Variants in BAIAP2L1 observed in about 807,000 individuals in gnomAD.
BAIAP2L1 encodes the protein BAR/IMD domain containing adaptor protein 2 like 1, also known as BAR/IMD domain-containing adapter protein 2-like 1.
A neutral mutation model predicts 66.3 loss-of-function variants in BAIAP2L1; 35 were observed. The observed-to-expected ratio is 0.53, with a 90% confidence interval of 0.40 to 0.70. The LOEUF (loss-of-function observed/expected upper bound fraction) is 0.70, where lower values mean the gene tolerates loss of function less well. Among genes scored for constraint, BAIAP2L1 ranks in the 30% least tolerant of loss-of-function variants. The probability of loss-of-function intolerance (pLI) is 0.00; values close to 1 mark genes in which losing one functional copy is unlikely to be tolerated. For synonymous variants in BAIAP2L1, 269 were observed against 248.7 expected, an observed-to-expected ratio of 1.08 and a Z score of -0.77; for missense variants, 622 against 656.9, an observed-to-expected ratio of 0.95 and a Z score of 0.58.
chr7:98,334,172 A>G (rs1372949549), intron 3 of BAIAP2L1, among the ~76,000 whole-genome samples: 1 of 152,202 alleles, frequency 6.6e-6, no homozygotes, highest in African/African-American at 2.4e-5. Context: ...AAATAAGAAG[A>G]AAAAGAGAGA....
At chr7:98,370,705 G>T (rs958698193) in intron 1 of BAIAP2L1, among the ~76,000 whole-genome samples, 1 of 151,932 alleles carries the variant, frequency 6.6e-6, no homozygotes, top group Admixed American at 6.6e-5. Context: ...GTTTCACCAT[G>T]TTAGCCAGGA....
chr7:98,389,636 C>T (rs985407791), intron 1 of BAIAP2L1, among the ~76,000 whole-genome samples: 3 of 151,940 alleles, frequency 2.0e-5, no homozygotes, highest in African/African-American at 7.2e-5. Context: ...TCTGAGATTT[C>T]CCCCATACTT....
intron 3 of BAIAP2L1, among the ~76,000 whole-genome samples, chr7:98,345,030 T>C (rs1801838810): frequency 6.6e-6 from 1 of 152,172 alleles, no homozygotes; most frequent in South Asian, 2.1e-4. Flanking sequence ...TCCTGGTGAT[T>C]TCCAATGGCA....
At chr7:98,318,725 A>T (rs1801154631) in intron 5 of BAIAP2L1, among the ~76,000 whole-genome samples, 3 of 150,996 alleles carry the variant, frequency 2.0e-5, no homozygotes, top group Non-Finnish European at 4.4e-5. Flanking sequence ...CAGGTGCACC[A>T]CGAGGTCAGA....
chr7:98,300,077 G>A (rs748385972), intron 12 of BAIAP2L1, among the ~76,000 whole-genome samples: 5 of 152,166 alleles, frequency 3.3e-5, no homozygotes, highest in South Asian at 4.1e-4. Flanking sequence ...AAATGTAAAC[G>A]TCTAGTTCCT....
intron 3 of BAIAP2L1, among the ~76,000 whole-genome samples, chr7:98,341,385 C>CG (rs34547845): frequency 6.6e-6 from 1 of 151,664 alleles, no homozygotes; most frequent in Non-Finnish European, 1.5e-5. Context: ...TAAAGTAAAG[C>CG]CGTTAGAAAA....
chr7:98,303,595 TCTC>T (rs1161374877), intron 12 of BAIAP2L1, among the ~76,000 whole-genome samples: 2 of 152,194 alleles, frequency 1.3e-5, no homozygotes, highest in African/African-American at 4.8e-5. Flanking sequence ...CCGGCCTTGT[TCTC>T]CTCTAGCTGG....
chr7:98,304,897 C>T (rs1237372971), intron 11 of BAIAP2L1, among the ~76,000 whole-genome samples: 1 of 150,140 alleles, frequency 6.7e-6, no homozygotes, highest in South Asian at 2.1e-4. Context: ...TGGGGTTTCC[C>T]TCTTATTGTC....
chr7:98,317,542 G>T (rs1003343113), intron 5 of BAIAP2L1, among the ~76,000 whole-genome samples, 186 bp from the exon 6 acceptor site: 1 of 149,178 alleles, frequency 6.7e-6, no homozygotes, highest in African/African-American at 2.5e-5. Flanking sequence ...GCTGGCCGGG[G>T]TCCCATGCCC....
Position 98,293,073 on chromosome 7 carries a change from A to T in BAIAP2L1, c.*448T>A. The T allele has an allele frequency of 9.9e-6, 7 of 703,902 alleles. No individual in the cohort carries two copies. The highest frequency in any genetic ancestry group is 1.1e-5 in the Non-Finnish European group (6 of 554,226). The allele number at this position is 703,902 out of a possible 1,614,324, so 43.6% of individuals were successfully genotyped here. ...TGCTTAAAATTATGATTTGCATGCT[A>T]AGATGCAAACTTACGTGATATCTTC... On this transcript the variant is annotated 3_prime_UTR_variant, in exon 14 of 14. Coordinates refer to ENST00000005260, the MANE Select transcript of BAIAP2L1 (RefSeq NM_018842.5).
intron 10 of BAIAP2L1, chr7:98,307,453 G>A: frequency 7.2e-7 from 1 of 1,391,580 alleles, no homozygotes; most frequent in Non-Finnish European, 9.3e-7. Flanking sequence ...ACTACTTTCA[G>A]ACAGGTGACT....
intron 1 of BAIAP2L1, among the ~76,000 whole-genome samples, chr7:98,367,680 C>T (rs1170939556): frequency 6.6e-6 from 1 of 152,070 alleles, no homozygotes; most frequent in East Asian, 1.9e-4. Flanking sequence ...GGACTACAGG[C>T]ACCCACCACC....
At position 98,312,151 on chromosome 7, in the gene BAIAP2L1, A is replaced by T. The variant is rs773211490; in HGVS notation, c.753T>A (p.Ser251=). The part of the protein sequence containing the change: ...NMIEEIKTPA[S]TPVSGTPQAS... ...CCTGAGGAGTTCCAGACACGGGGGT[A>T]GAGGCTGGGGTCTTTATTTCTTCGA... Residue 251 remains serine, a synonymous_variant, in exon 8 of 14, where the codon TCT becomes TCA. Coordinates refer to ENST00000005260, the MANE Select transcript of BAIAP2L1 (RefSeq NM_018842.5). The T allele has an allele frequency of 6.2e-7, 1 of 1,614,042 alleles. No homozygotes were observed. Among genetic ancestry groups the T allele is most frequent in the Non-Finnish European group, 8.5e-7 (1 of 1,179,950 alleles).
intron 2 of BAIAP2L1, 191 bp from the exon 3 acceptor site, chr7:98,355,319 A>G (rs1802094570): frequency 1.7e-6 from 1 of 594,518 alleles, no homozygotes; most frequent in Non-Finnish European, 3.0e-6. Context: ...GCCAAGGGAC[A>G]GCCCCATGAG....
At chr7:98,342,510 C>A (rs2115639443) in intron 3 of BAIAP2L1, among the ~76,000 whole-genome samples, 1 of 152,228 alleles carries the variant, frequency 6.6e-6, no homozygotes, top group South Asian at 2.1e-4. Context: ...TCTAGGTTCC[C>A]TGATAGTGAG....
Position 98,307,727 on chromosome 7 carries a change from C to A in BAIAP2L1, c.1125G>T (p.Lys375Asn), listed in dbSNP as rs901977066. Reference sequence around the variant, plus strand: ...CGTGTTCTCCATAGAGCCAGCCATCCTTCTCCTCGGGGATGAGCAGCGTGA... The same window carrying A: ...CGTGTTCTCCATAGAGCCAGCCATCATTCTCCTCGGGGATGAGCAGCGTGA... ...DVITLLIPEE[K>N]DGWLYGEHDV... The change falls in exon 10 of 14, where the codon AAG becomes AAT. Residue 375 changes from lysine to asparagine, a missense_variant. By Grantham distance (94) the Lys-to-Asn change is moderately conservative. Coordinates refer to ENST00000005260, the MANE Select transcript of BAIAP2L1 (RefSeq NM_018842.5). The A allele has an allele frequency of 5.0e-6, 8 of 1,614,248 alleles. No homozygotes were observed. Among genetic ancestry groups the A allele is most frequent in the Non-Finnish European group, 5.9e-6 (7 of 1,180,052 alleles).
At chr7:98,294,918 T>G (rs184886594) in intron 12 of BAIAP2L1, among the ~76,000 whole-genome samples, 22 of 152,210 alleles carry the variant, frequency 1.4e-4, no homozygotes, top group African/African-American at 5.1e-4. Context: ...TGTGCGCGCC[T>G]TCTTTCCCTC....
At chr7:98,294,224 C>T (rs766575393) in intron 12 of BAIAP2L1, 113 bp from the exon 13 acceptor site, 26 of 1,079,784 alleles carry the variant, frequency 2.4e-5, no homozygotes, top group Admixed American at 4.2e-5. Flanking sequence ...AACTCCTGAG[C>T]TCACGTGATC....
intron 6 of BAIAP2L1, among the ~76,000 whole-genome samples, chr7:98,316,624 T>C (rs867991082): frequency 2.1e-4 from 32 of 152,360 alleles, no homozygotes; most frequent in Middle Eastern, 6.8e-3. Flanking sequence ...TTTCTATGTG[T>C]TGGGGACATT....
Sources: gnomAD v4.1 joint callset for allele counts (sites outside exome capture counted in the v4.1 genomes callset) on GRCh38, gnomAD v4.1.1 for gene constraint, MANE v1.5 for transcripts, NCBI Gene and HGNC (gene_info 2026-07-23, HGNC 2026-07-21) for gene names.